The following KCNH8 variants were observed in gnomAD, a reference collection of about 807,000 sequenced individuals.
KCNH8 encodes potassium voltage-gated channel subfamily H member 8.
A neutral mutation model predicts 103.6 loss-of-function variants in KCNH8; 70 were observed. The ratio of observed to expected loss-of-function variants is 0.68; its 90% CI spans 0.56 to 0.82. The LOEUF (loss-of-function observed/expected upper bound fraction) is 0.82, where lower values mean the gene tolerates loss of function less well. Among genes scored for constraint, KCNH8 ranks in the 40% least tolerant of loss-of-function variants. The pLI, the probability that KCNH8 is intolerant of heterozygous loss-of-function variation, is 0.00. For missense variants in KCNH8, 1,217 were observed against 1,329.9 expected, an observed-to-expected ratio of 0.92 and a Z score of 1.32; for synonymous variants, 498 against 489.4, an observed-to-expected ratio of 1.02 and a Z score of -0.23.
intron 2 of KCNH8, among the ~76,000 whole-genome samples, chr3:19,278,786 A>C (rs77565591): frequency 6.6e-6 from 1 of 152,078 alleles, no homozygotes; most frequent in Non-Finnish European, 1.5e-5. Context: ...ACAAATCTCA[A>C]AGTAAACTTT....
intron 5 of KCNH8, among the ~76,000 whole-genome samples, chr3:19,389,541 G>A (rs998139840): frequency 1.3e-5 from 2 of 151,992 alleles, no homozygotes; most frequent in Non-Finnish European, 2.9e-5. Context: ...ATTCCATATC[G>A]ACACAGAGAT....
At chr3:19,343,890 G>A (rs1360294153) in intron 4 of KCNH8, among the ~76,000 whole-genome samples, 1 of 151,954 alleles carries the variant, frequency 6.6e-6, no homozygotes, top group Non-Finnish European at 1.5e-5. Flanking sequence ...GCAACTTTCT[G>A]GAAGCCAAAA....
intron 15 of KCNH8, among the ~76,000 whole-genome samples, chr3:19,523,698 G>A (rs895135637): frequency 3.3e-5 from 5 of 151,752 alleles, no homozygotes; most frequent in African/African-American, 1.2e-4. Context: ...AATTTCAATT[G>A]GAAAAGAAAG....
chr3:19,208,374 A>G (rs2063737434), intron 1 of KCNH8, among the ~76,000 whole-genome samples: 1 of 152,018 alleles, frequency 6.6e-6, no homozygotes, highest in Non-Finnish European at 1.5e-5. Flanking sequence ...AAATATATGT[A>G]ATCTGTTCAG....
At chr3:19,279,336 C>T (rs138488913) in intron 2 of KCNH8, among the ~76,000 whole-genome samples, 1 of 152,148 alleles carries the variant, frequency 6.6e-6, no homozygotes, top group Non-Finnish European at 1.5e-5. Flanking sequence ...TTTATTGTCT[C>T]AGCATTTTTG....
At chr3:19,386,558 T>C (rs193300912) in intron 5 of KCNH8, among the ~76,000 whole-genome samples, 3 of 152,270 alleles carry the variant, frequency 2.0e-5, no homozygotes, top group East Asian at 3.9e-4. Context: ...TAATTTGTTA[T>C]GGATTTTGAA....
chr3:19,199,627 A>C (rs1001206221), intron 1 of KCNH8, among the ~76,000 whole-genome samples: 3 of 150,464 alleles, frequency 2.0e-5, no homozygotes, highest in African/African-American at 7.3e-5. Context: ...GTACATATAA[A>C]TATATATGTA....
intron 1 of KCNH8, among the ~76,000 whole-genome samples, chr3:19,205,819 A>T (rs112917228): frequency 0.02 from 2,977 of 151,992 alleles, 92 homozygotes; most frequent in African/African-American, 0.066. Context: ...ATTATTATTT[A>T]TTTTTTATTT....
intron 11 of KCNH8, among the ~76,000 whole-genome samples, chr3:19,458,824 C>A (rs889378813): frequency 6.6e-6 from 1 of 151,882 alleles, no homozygotes; most frequent in Non-Finnish European, 1.5e-5. Context: ...ATTTTAGATT[C>A]AGTATATAAA....
intron 3 of KCNH8, among the ~76,000 whole-genome samples, chr3:19,315,596 A>T (rs1175277834): frequency 6.6e-6 from 1 of 151,874 alleles, no homozygotes; most frequent in African/African-American, 2.4e-5. Flanking sequence ...ATCTATTTAG[A>T]TGACCTTAAA....
intron 5 of KCNH8, among the ~76,000 whole-genome samples, chr3:19,377,338 G>T (rs1006994189): frequency 6.6e-6 from 1 of 152,182 alleles, no homozygotes; most frequent in African/African-American, 2.4e-5. Context: ...GCATTGAGTG[G>T]ATTTGTGCAC....
intron 5 of KCNH8, among the ~76,000 whole-genome samples, chr3:19,352,739 T>A (rs2065821640): frequency 6.6e-6 from 1 of 152,154 alleles, no homozygotes. Flanking sequence ...AAGCAGTGTG[T>A]AGAGGGAAAT....
intron 3 of KCNH8, among the ~76,000 whole-genome samples, chr3:19,300,666 A>G (rs1380025820): frequency 6.6e-6 from 1 of 152,154 alleles, no homozygotes; most frequent in Non-Finnish European, 1.5e-5. Flanking sequence ...TAAATAAGTT[A>G]TATATCCCAA....
At chr3:19,235,282 A>G (rs1019742382) in intron 1 of KCNH8, among the ~76,000 whole-genome samples, 6 of 152,206 alleles carry the variant, frequency 3.9e-5, no homozygotes, top group African/African-American at 1.4e-4. Flanking sequence ...ACTTCAAAAT[A>G]ATCCATATAG....
intron 5 of KCNH8, among the ~76,000 whole-genome samples, chr3:19,373,479 G>A (rs1465309250): frequency 1.3e-5 from 2 of 151,992 alleles, no homozygotes; most frequent in South Asian, 2.1e-4. Context: ...ATTTTTTATT[G>A]CGTCTATTTG....
chr3:19,319,293 T>C (rs2065318639), intron 3 of KCNH8, among the ~76,000 whole-genome samples: 1 of 152,100 alleles, frequency 6.6e-6, no homozygotes, highest in Non-Finnish European at 1.5e-5. Context: ...TCTTTATGGT[T>C]TCAGGTTTTA....
At chr3:19,452,081 G>A (rs1040423991) in intron 10 of KCNH8, among the ~76,000 whole-genome samples, 3 of 152,060 alleles carry the variant, frequency 2.0e-5, no homozygotes, top group Admixed American at 1.3e-4. Flanking sequence ...TTTTATGTAG[G>A]GCTCTTTTAA....
At chr3:19,365,797 G>A (rs2066003891) in intron 5 of KCNH8, among the ~76,000 whole-genome samples, 1 of 152,008 alleles carries the variant, frequency 6.6e-6, no homozygotes, top group African/African-American at 2.4e-5. Flanking sequence ...ATAAAGCAAA[G>A]AAGGGGGAAG....
At chr3:19,341,268 T>C (rs892728110) in intron 3 of KCNH8, among the ~76,000 whole-genome samples, 1 of 152,138 alleles carries the variant, frequency 6.6e-6, no homozygotes, top group Non-Finnish European at 1.5e-5. Context: ...TTAGTGTGCA[T>C]GCTTGAGCCC....
Sources: gnomAD v4.1 joint callset for allele counts (sites outside exome capture counted in the v4.1 genomes callset) on GRCh38, gnomAD v4.1.1 for gene constraint, MANE v1.5 for transcripts, NCBI Gene and HGNC (gene_info 2026-07-23, HGNC 2026-07-21) for gene names.